The following BICC1 variants were observed in gnomAD, a reference collection of about 807,000 sequenced individuals.
BICC1 encodes the protein protein bicaudal C homolog 1.
In BICC1, 43 loss-of-function variants were observed where a neutral mutation model predicts 111.0. That is an observed-to-expected ratio of 0.39 (90% CI 0.30 to 0.50). BICC1 has a LOEUF of 0.50. Ranked by LOEUF, BICC1 falls within the 20% of genes least tolerant of loss-of-function variation. The pLI is 0.88. For missense variants in BICC1, 1,091 were observed against 1,203.2 expected, an observed-to-expected ratio of 0.91 and a Z score of 1.38; for synonymous variants, 467 against 434.4, an observed-to-expected ratio of 1.07 and a Z score of -0.93.
chr10:58,592,310 G>A (rs141896406), intron 1 of BICC1, among the ~76,000 whole-genome samples: 1 of 152,152 alleles, frequency 6.6e-6, no homozygotes, highest in Non-Finnish European at 1.5e-5. Context: ...AGGCAGAGGT[G>A]GTGGTGGAGA....
chr10:58,708,625 G>A (rs1589046724), intron 3 of BICC1, among the ~76,000 whole-genome samples: 1 of 152,216 alleles, frequency 6.6e-6, no homozygotes, highest in East Asian at 1.9e-4. Context: ...GTTGGACCAG[G>A]TGTGATGTTT....
chr10:58,632,409 T>G (rs1201288870), intron 2 of BICC1, among the ~76,000 whole-genome samples: 1 of 152,098 alleles, frequency 6.6e-6, no homozygotes, highest in African/African-American at 2.4e-5. Context: ...GCCCTATGGC[T>G]TCTCTCCTCA....
At chr10:58,733,458 A>G (rs1841379154) in intron 3 of BICC1, among the ~76,000 whole-genome samples, 1 of 152,260 alleles carries the variant, frequency 6.6e-6, no homozygotes, top group African/African-American at 2.4e-5. Flanking sequence ...ACACTTGCTT[A>G]AAACTAGAGT....
intron 9 of BICC1, among the ~76,000 whole-genome samples, chr10:58,795,132 C>T (rs6481436): frequency 5.3e-5 from 8 of 151,850 alleles, no homozygotes; most frequent in African/African-American, 7.2e-5. Context: ...AACAAAAATC[C>T]GAAATAAGAA....
chr10:58,721,441 G>T (rs1840936914), intron 3 of BICC1, among the ~76,000 whole-genome samples: 1 of 152,156 alleles, frequency 6.6e-6, no homozygotes. Flanking sequence ...TCTTTCCCAG[G>T]TTAATTAATG....
rs1013632418 is a variant in BICC1, at chr10:58,677,759, G to T, written c.238-24315G>T. Among the ~76,000 whole-genome samples the T allele has an allele frequency of 2.0e-5, 3 of 152,112 alleles. No individual in the cohort carries two copies. In the East Asian group the frequency reaches 5.8e-4, roughly 29 times the overall value. ...GACACATAATTGTCATATTCACCAA[G>T]GTTGAAATGAAGGAAAAAAATCTTA... On this transcript the variant is annotated intron_variant, in intron 2 of 20. Transcript: ENST00000373886.
At chr10:58,777,423 TCTTA>T (rs1341740005) in intron 3 of BICC1, among the ~76,000 whole-genome samples, 1 of 152,200 alleles carries the variant, frequency 6.6e-6, no homozygotes, top group Non-Finnish European at 1.5e-5. Flanking sequence ...CACCAAAAGC[TCTTA>T]CTTATCTTCC....
At chr10:58,618,090 A>T (rs1336055356) in intron 1 of BICC1, among the ~76,000 whole-genome samples, 1 of 151,720 alleles carries the variant, frequency 6.6e-6, no homozygotes, top group Non-Finnish European at 1.5e-5. Context: ...GTTGGGCCTG[A>T]GTGTCTGGGG....
At chr10:58,554,431 A>G (rs1020244528) in intron 1 of BICC1, among the ~76,000 whole-genome samples, 2 of 152,184 alleles carry the variant, frequency 1.3e-5, no homozygotes, top group African/African-American at 4.8e-5. Flanking sequence ...TAATTTTTAT[A>G]AAGAGCCTAC....
At chr10:58,746,698 G>A (rs752846083) in intron 3 of BICC1, among the ~76,000 whole-genome samples, 7 of 152,118 alleles carry the variant, frequency 4.6e-5, no homozygotes, top group Non-Finnish European at 8.8e-5. Context: ...CTAAAGCAGA[G>A]CATGAATACA....
chr10:58,521,543 G>T (rs1398350140), intron 1 of BICC1, among the ~76,000 whole-genome samples: 1 of 152,014 alleles, frequency 6.6e-6, no homozygotes, highest in Non-Finnish European at 1.5e-5. Context: ...AGTTTTGCAG[G>T]TTAGGCAGAA....
chr10:58,724,541 G>T (rs1390286487), intron 3 of BICC1, among the ~76,000 whole-genome samples: 1 of 152,180 alleles, frequency 6.6e-6, no homozygotes, highest in Non-Finnish European at 1.5e-5. Context: ...AACATTAAAA[G>T]TTGTGACCTG....
At chr10:58,769,376 A>ATGTGTGTGTG (rs71006205) in intron 3 of BICC1, among the ~76,000 whole-genome samples, 6 of 73,324 alleles carry the variant, frequency 8.2e-5, no homozygotes, top group African/African-American at 2.3e-4. Context: ...TTTATAATGT[A>ATGTGTGTGTG]TGTGTGTGTG....
intron 3 of BICC1, among the ~76,000 whole-genome samples, chr10:58,708,567 G>A (rs1840471950): frequency 1.3e-5 from 2 of 152,194 alleles, no homozygotes; most frequent in Non-Finnish European, 2.9e-5. Flanking sequence ...GGGTTTTATA[G>A]ACAGGCTTGA....
At chr10:58,796,606 C>A in intron 10 of BICC1, 80 bp downstream of exon 10, 2 of 1,371,842 alleles carry the variant, frequency 1.5e-6, no homozygotes, top group South Asian at 1.5e-5. Context: ...CCATTCGGGT[C>A]TACATTTAAA....
chr10:58,750,204 G>T (rs372046520), intron 3 of BICC1, among the ~76,000 whole-genome samples: 1 of 152,124 alleles, frequency 6.6e-6, no homozygotes, highest in African/African-American at 2.4e-5. Flanking sequence ...AAATGGTAGC[G>T]AGTGAGAGAG....
chr10:58,713,581 C>G (rs894692253), intron 3 of BICC1, among the ~76,000 whole-genome samples: 1 of 152,138 alleles, frequency 6.6e-6, no homozygotes, highest in Non-Finnish European at 1.5e-5. Context: ...ACCTTGGTTT[C>G]AAAATTCAAG....
chr10:58,544,997 G>A (rs1342879311), intron 1 of BICC1, among the ~76,000 whole-genome samples: 1 of 152,100 alleles, frequency 6.6e-6, no homozygotes, highest in Admixed American at 6.6e-5. Context: ...AAGCCAATGA[G>A]AGAGACATGG....
intron 20 of BICC1, among the ~76,000 whole-genome samples, chr10:58,821,598 G>A (rs1992658): frequency 0.74 from 112,832 of 151,888 alleles, 41,994 homozygotes; most frequent in Admixed American, 0.76. Flanking sequence ...GTGGCAGCCT[G>A]TTAGGTTCTT....
Sources: gnomAD v4.1 joint callset for allele counts (sites outside exome capture counted in the v4.1 genomes callset) on GRCh38, gnomAD v4.1.1 for gene constraint, MANE v1.5 for transcripts, NCBI Gene and HGNC (gene_info 2026-07-23, HGNC 2026-07-21) for gene names.